PPFIA1: variants seen among roughly 807,000 people sequenced by gnomAD.
PPFIA1 encodes liprin-alpha-1.
In PPFIA1, 25 loss-of-function variants were observed where a neutral mutation model predicts 149.9. That is an observed-to-expected ratio of 0.17 (90% CI 0.12 to 0.23). The LOEUF is 0.23. PPFIA1 is among the 10% of genes least tolerant of loss of function. The pLI is 1.00. For missense variants in PPFIA1, 1,362 were observed against 1,506.5 expected, an observed-to-expected ratio of 0.90 and a Z score of 1.59; for synonymous variants, 549 against 552.8, an observed-to-expected ratio of 0.99 and a Z score of 0.10.
chr11:70,330,648 C>T (rs1348500453), intron 8 of PPFIA1, among the ~76,000 whole-genome samples: 3 of 152,222 alleles, frequency 2.0e-5, no homozygotes. Flanking sequence ...CACTATGATA[C>T]ATGAATAGTA....
chr11:70,270,793 G>T lies in PPFIA1; in HGVS notation c.-122G>T, dbSNP rs2050020960. 1 of 150,148 alleles carries T rather than the reference G, an allele frequency of 6.7e-6. No individual in the cohort carries two copies. Among genetic ancestry groups the T allele is most frequent in the African/African-American group, 2.4e-5 (1 of 41,206 alleles). The allele number at this position is 150,148 out of a possible 1,614,324, so 9.3% of individuals were successfully genotyped here. The stretch of plus-strand genomic sequence containing the variant: ...GGGCGGCGGGCCCCGGGGCCGCGGC[G>T]TGGGGCGGGCAGGCGGACGCCGGCC... On this transcript the variant is annotated 5_prime_UTR_variant, in exon 1 of 28. Transcript: ENST00000253925.
At chr11:70,357,811 TCTC>T (rs1247341283) in intron 19 of PPFIA1, among the ~76,000 whole-genome samples, 20 of 152,088 alleles carry the variant, frequency 1.3e-4, no homozygotes, top group African/African-American at 4.6e-4. Context: ...ATGGTCTTGA[TCTC>T]CTGACCTCGT....
At chr11:70,289,241 G>A (rs2051359766) in intron 2 of PPFIA1, among the ~76,000 whole-genome samples, 1 of 152,054 alleles carries the variant, frequency 6.6e-6, no homozygotes, top group South Asian at 2.1e-4. Context: ...AAAGTGCTGG[G>A]ATTGCAGGCA....
chr11:70,313,725 T>A (rs562484229), intron 2 of PPFIA1, among the ~76,000 whole-genome samples: 1 of 152,230 alleles, frequency 6.6e-6, no homozygotes, highest in East Asian at 1.9e-4. Context: ...GATGATGAGC[T>A]CAGTGTGGAC....
intron 2 of PPFIA1, among the ~76,000 whole-genome samples, chr11:70,297,393 C>A (rs897880260): frequency 3.3e-5 from 5 of 150,888 alleles, no homozygotes; most frequent in South Asian, 2.1e-4. Context: ...TGGGTGACAG[C>A]AAGACTTGTC....
intron 25 of PPFIA1, among the ~76,000 whole-genome samples, chr11:70,376,938 T>C (rs1357900784): frequency 6.6e-6 from 1 of 152,116 alleles, no homozygotes; most frequent in African/African-American, 2.4e-5. Context: ...CCGGGCGTTG[T>C]GGTAGGTGCC....
At chr11:70,371,391 T>G in intron 21 of PPFIA1, 2 of 30,230 alleles carry the variant, frequency 6.6e-5, no homozygotes, top group African/African-American at 1.6e-4. Context: ...TATTCTGTTG[T>G]TTGGTGGATT....
At chr11:70,376,697 C>A in intron 25 of PPFIA1, 97 bp downstream of exon 25, 2 of 1,028,768 alleles carry the variant, frequency 1.9e-6, no homozygotes, top group Admixed American at 1.8e-5. Flanking sequence ...ATACTTGGGA[C>A]ATCATGTAGC....
chr11:70,329,889 C>G (rs748766483), intron 7 of PPFIA1: 31 of 315,562 alleles, frequency 9.8e-5, no homozygotes, highest in Non-Finnish European at 1.5e-4. Context: ...GATTGCACCA[C>G]AGCATTCCAT....
At position 70,335,664 on chromosome 11, in the gene PPFIA1, T is replaced by G; in HGVS notation, c.1398T>G (p.Leu466=). The change falls in exon 11 of 28, where the codon CTT becomes CTG. Residue 466 remains leucine, a synonymous_variant. Transcript: ENST00000253925. ...CTAATGAGAGGCTTCAACTTCATCT[T>G]AAAGAGAGAATGGCTGCTTTGGAAG... ...SESNERLQLH[L]KERMAALEDK... 1.2e-6 allele frequency: 2 copies of G among 1,614,062 alleles called. No homozygotes were observed. The highest frequency in any genetic ancestry group is 1.7e-6 in the Non-Finnish European group (2 of 1,179,960).
At chr11:70,298,604 A>G (rs1243312849) in intron 2 of PPFIA1, among the ~76,000 whole-genome samples, 2 of 152,100 alleles carry the variant, frequency 1.3e-5, no homozygotes, top group Non-Finnish European at 2.9e-5. Flanking sequence ...TCATCCCAGA[A>G]CCTGTTCATT....
At chr11:70,324,348 G>C (rs547343308) in intron 2 of PPFIA1, 54 bp from the exon 3 acceptor site, 2 of 1,371,174 alleles carry the variant, frequency 1.5e-6, no homozygotes, top group East Asian at 4.7e-5. Flanking sequence ...TTGATGAAAG[G>C]CTTTCTTTAG....
chr11:70,383,090 G>C lies in PPFIA1; in HGVS notation c.*100G>C, dbSNP rs1443693152. ...GGAATCCAGTGGAATCTTTAATCTT[G>C]TTAATACTTGTTATATGGACCCTAA... On this transcript the variant is annotated 3_prime_UTR_variant, in exon 28 of 28. Coordinates refer to ENST00000253925, the MANE Select transcript of PPFIA1 (RefSeq NM_003626.5). 9.7e-6 allele frequency: 4 copies of C among 411,616 alleles called. No homozygotes were observed. Among genetic ancestry groups the C allele is most frequent in the Non-Finnish European group, 1.9e-5 (4 of 213,836 alleles). The allele number at this position is 411,616 out of a possible 1,614,324, so 25.5% of individuals were successfully genotyped here.
chr11:70,335,721 G>C (rs761667290), intron 11 of PPFIA1, 27 bp downstream of exon 11: 2 of 1,612,188 alleles, frequency 1.2e-6, no homozygotes, highest in African/African-American at 2.7e-5. Context: ...GGACATGCTG[G>C]AGCTTTCCCA....
chr11:70,367,660 T>C (rs1365117355), intron 21 of PPFIA1: 1 of 454,180 alleles, frequency 2.2e-6, no homozygotes. Flanking sequence ...GCCTGATCCT[T>C]CTGGGAGTTC....
chr11:70,302,842 C>G (rs2052579289), intron 2 of PPFIA1, among the ~76,000 whole-genome samples: 1 of 150,350 alleles, frequency 6.7e-6, no homozygotes, highest in Non-Finnish European at 1.5e-5. Flanking sequence ...CTCCTGGGCT[C>G]AAGCAATCCT....
intron 23 of PPFIA1, chr11:70,373,624 A>G (rs2057365313): frequency 6.6e-6 from 1 of 152,216 alleles, no homozygotes; most frequent in Admixed American, 6.5e-5. Flanking sequence ...AACAATAATG[A>G]TAAGAAGAGG....
chr11:70,294,907 A>G (rs1189211574), intron 2 of PPFIA1, among the ~76,000 whole-genome samples: 2 of 151,672 alleles, frequency 1.3e-5, no homozygotes, highest in African/African-American at 2.4e-5. Context: ...AAGGCAGAAG[A>G]ATTTTTCTTA....
chr11:70,319,643 A>G (rs7929271), intron 2 of PPFIA1, among the ~76,000 whole-genome samples: 33,259 of 151,902 alleles, frequency 0.22, 5,547 homozygotes, highest in African/African-American at 0.46. Flanking sequence ...GTTTTGCCCC[A>G]TTTTCTGTTC....
Sources: allele counts gnomAD v4.1 joint callset (sites outside exome capture counted in the v4.1 genomes callset), GRCh38; gene constraint gnomAD v4.1.1; transcripts MANE v1.5; gene names NCBI Gene and HGNC (gene_info 2026-07-23, HGNC 2026-07-21).